The following NEK5 variants were observed in gnomAD, a reference collection of about 807,000 sequenced individuals.
The protein encoded by NEK5 is serine/threonine-protein kinase Nek5.
A neutral mutation model predicts 109.2 loss-of-function variants in NEK5; 88 were observed. That is an observed-to-expected ratio of 0.81 (90% confidence interval 0.68 to 0.96). The LOEUF (loss-of-function observed/expected upper bound fraction) is 0.96, where lower values mean the gene tolerates loss of function less well. Ranked by LOEUF, NEK5 falls within the 40% of genes least tolerant of loss-of-function variation. NEK5 has a pLI of 0.00. For missense variants in NEK5, 834 were observed against 920.7 expected (o/e 0.91, Z 1.22); for synonymous variants, 283 against 299.9 (o/e 0.94, Z 0.58).
intron 19 of NEK5, among the ~76,000 whole-genome samples, chr13:52,073,971 C>A (rs1180158396): frequency 1.3e-5 from 2 of 152,062 alleles, no homozygotes; most frequent in Admixed American, 6.6e-5. Context: ...AGAAAGAAAT[C>A]ATACATGACA....
intron 3 of NEK5, among the ~76,000 whole-genome samples, chr13:52,124,413 T>TTA (rs1271965094): frequency 6.6e-6 from 1 of 151,850 alleles, no homozygotes; most frequent in African/African-American, 2.4e-5. Context: ...TTTCCAAAGA[T>TTA]TATATTATTT....
chr13:52,110,681 C>T (rs9535865), intron 5 of NEK5, 104 bp from the exon 6 acceptor site: 125,677 of 659,204 alleles, frequency 0.19, 14,583 homozygotes, highest in Non-Finnish European at 0.26. Context: ...CACACACACA[C>T]ACATACACAC....
chr13:52,099,751 C>A lies in NEK5; in HGVS notation c.1018G>T (p.Ala340Ser). 1 of 1,613,432 alleles carries A rather than the reference C, an allele frequency of 6.2e-7. No individual in the cohort carries two copies. Residue 340 changes from alanine to serine, a missense_variant, in exon 12 of 24, where the codon GCC becomes TCC. Around this residue, in one of 2 missense-constraint regions of NEK5, gnomAD observed 777 missense variants for 824.7 expected, o/e 0.94. Transcript: ENST00000684899. ...EWRPPAGAQK[A>S]RSIKMIERPK... is the part of the protein sequence containing the mutation. ...GGTTTAGAATGACTTACAGATCTGG[C>A]CTTCTGGGCTCCAGCTGGTGGTCTC...
In NEK5 at chr13:52,102,031, G is replaced by A. The variant is rs745973039; in HGVS notation, c.811-17C>T. On this transcript the variant is annotated splice_polypyrimidine_tract_variant and intron_variant, in intron 10 of 23. Transcript: ENST00000684899. Reference sequence around the variant, plus strand: ...CTGAATGACCTAAAACCGAACACACGTGTCAAGGACCTGCAACCCAAAATC... The same window carrying A: ...CTGAATGACCTAAAACCGAACACACATGTCAAGGACCTGCAACCCAAAATC... 23 of 1,612,794 alleles carry A rather than the reference G, an allele frequency of 1.4e-5. No individual in the cohort carries two copies. The highest frequency in any genetic ancestry group is 1.0e-4 in the Admixed American group (6 of 59,998).
chr13:52,087,467 T>C lies in NEK5; in HGVS notation c.1276-13A>G. ...ATGGACGAAGACCCTATTTATTGAA[T>C]GAAATAATTTATAATGCATACTTTG... On this transcript the variant is annotated splice_polypyrimidine_tract_variant and intron_variant, in intron 14 of 23. Coordinates refer to ENST00000684899, the MANE Select transcript of NEK5 (RefSeq NM_001365552.1). 1 of 1,345,098 alleles carries C rather than the reference T, an allele frequency of 7.4e-7. No individual in the cohort carries two copies. The highest frequency in any genetic ancestry group is 1.1e-6 in the Non-Finnish European group (1 of 947,410). The allele number at this position is 1,345,098 out of a possible 1,614,324, so 83.3% of individuals were successfully genotyped here. A position where few individuals can be genotyped will look rare whatever the true frequency, so the allele number is the denominator to read the frequency against.
Position 52,061,869 on chromosome 13 carries a change from A to G in NEK5, c.2060T>C (p.Leu687Ser). ...GCTACTCGTTAGATGTGCTGCTGCC[A>G]AAACACTCATTAAAGTTCCTGGAGC... Reference protein sequence around the residue: ...HEAPGTLMSVLAAAHLTSSSF... With the variant: ...HEAPGTLMSVSAAAHLTSSSF... Residue 687 changes from leucine to serine, a missense_variant, in exon 22 of 24, where the codon TTG becomes TCG. By Grantham distance (145) the Leu-to-Ser change is moderately radical. This residue lies in a region of NEK5 where 777 missense variants were observed against 824.7 expected (regional missense o/e 0.94). Transcript: ENST00000684899. 2.0e-6 allele frequency: 2 copies of G among 985,778 alleles called. No homozygotes were observed. The highest frequency in any genetic ancestry group is 2.4e-6 in the Non-Finnish European group (2 of 829,818). 61.1% of individuals were successfully genotyped at this position (985,778 alleles called of 1,614,324 possible).
intron 23 of NEK5, among the ~76,000 whole-genome samples, chr13:52,045,332 G>T (rs185185388): frequency 0.015 from 2,265 of 149,724 alleles, 53 homozygotes; most frequent in African/African-American, 0.052. Context: ...GGGTTTCACC[G>T]TGTTAGCCAG....
intron 22 of NEK5, among the ~76,000 whole-genome samples, chr13:52,057,544 C>T (rs537006988): frequency 2.0e-5 from 3 of 152,012 alleles, no homozygotes; most frequent in Non-Finnish European, 4.4e-5. Flanking sequence ...ATGCAAAAAT[C>T]CTCAATAAAA....
chr13:52,125,685 C>A (rs1956052642), intron 3 of NEK5, among the ~76,000 whole-genome samples: 1 of 152,122 alleles, frequency 6.6e-6, no homozygotes, highest in Admixed American at 6.6e-5. Flanking sequence ...TTGGTAAACA[C>A]TGAAGTGGGG....
chr13:52,099,393 C>T (rs115611050), intron 12 of NEK5, among the ~76,000 whole-genome samples: 266 of 151,916 alleles, frequency 1.8e-3, no homozygotes, highest in African/African-American at 5.9e-3. Context: ...TAGCCGGGGC[C>T]GGGCGCCATG....
chr13:52,053,652 C>G lies in NEK5; in HGVS notation c.2111-3431G>C, dbSNP rs755201363. Among the ~76,000 whole-genome samples, 5 of 152,110 alleles carry G rather than the reference C, an allele frequency of 3.3e-5. No homozygotes were observed. In the East Asian group the frequency reaches 7.7e-4, roughly 23 times the overall value. ...TTCAAGGCTGCAGCTAATTTACAACCCAGACAAGCCCGAGATGGTACCAGC... is the reference window on the plus strand; with the variant it reads ...TTCAAGGCTGCAGCTAATTTACAACGCAGACAAGCCCGAGATGGTACCAGC... On this transcript the variant is annotated intron_variant, in intron 22 of 23. Transcript: ENST00000684899.
chr13:52,077,025 AG>A lies in NEK5; in HGVS notation c.1573-883del, dbSNP rs575080683. On this transcript the variant is annotated intron_variant, in intron 17 of 23. Transcript: ENST00000684899. ...ATAACAGGACAGAAAATGAGTAGGGAGTGAGAGTAATACAGGCAAAGCTTAT... is the reference window on the plus strand; with the variant it reads ...ATAACAGGACAGAAAATGAGTAGGGATGAGAGTAATACAGGCAAAGCTTAT... 9.8e-5 allele frequency among the ~76,000 whole-genome samples: 15 copies of A among 152,366 alleles called. No homozygotes were observed. In the East Asian group the frequency reaches 2.9e-3, roughly 29 times the overall value.
intron 17 of NEK5, among the ~76,000 whole-genome samples, chr13:52,080,306 G>A (rs1206323907): frequency 3.3e-5 from 5 of 149,348 alleles, no homozygotes; most frequent in African/African-American, 9.8e-5. Flanking sequence ...CGCCTCGTCC[G>A]GGAGGTGAGG....
chr13:52,112,494 C>A, intron 4 of NEK5, 129 bp from the exon 5 acceptor site: 2 of 574,592 alleles, frequency 3.5e-6, no homozygotes, highest in South Asian at 2.8e-5. Flanking sequence ...CTCTGTGACT[C>A]TGGGCAAGTC....
Position 52,060,424 on chromosome 13 carries a change from G to A in NEK5, c.2110+1395C>T, listed in dbSNP as rs541452919. On this transcript the variant is annotated intron_variant, in intron 22 of 23. Coordinates refer to ENST00000684899, the MANE Select transcript of NEK5 (RefSeq NM_001365552.1). ...GGCTGGAGTGCAATGGCGCCATCTC[G>A]GCTCACTGCAACCTCCGCCACCCGG... is the stretch of plus-strand genomic sequence containing the variant. Among the ~76,000 whole-genome samples, 105 of 151,682 alleles carry A rather than the reference G, an allele frequency of 6.9e-4. 1 individual carries two copies. The Middle Eastern group carries it at 0.021, about 30-fold the overall frequency.
chr13:52,110,422 G>A lies in NEK5; in HGVS notation c.397-12C>T. ...CTAAGAAAAATGTTCTATAAATGGA[G>A]AAAATGTCATGTTGTTTGAGGTACT... On this transcript the variant is annotated splice_polypyrimidine_tract_variant and intron_variant, in intron 6 of 23. Transcript: ENST00000684899. The A allele has an allele frequency of 6.2e-7, 1 of 1,611,740 alleles. No individual in the cohort carries two copies. The highest frequency in any genetic ancestry group is 8.5e-7 in the Non-Finnish European group (1 of 1,177,926).
At chr13:52,043,763 G>T (rs1224203505) in intron 23 of NEK5, among the ~76,000 whole-genome samples, 1 of 152,118 alleles carries the variant, frequency 6.6e-6, no homozygotes, top group East Asian at 1.9e-4. Context: ...TAGTAGATGG[G>T]TTAAAAATGT....
intron 9 of NEK5, among the ~76,000 whole-genome samples, chr13:52,102,533 G>T (rs1032447700): frequency 1.1e-4 from 16 of 152,066 alleles, no homozygotes; most frequent in African/African-American, 3.6e-4. Context: ...CCAAATCATG[G>T]TTTTTAAACA....
chr13:52,052,811 C>A (rs116243821), intron 22 of NEK5, among the ~76,000 whole-genome samples: 3,236 of 152,262 alleles, frequency 0.021, 84 homozygotes, highest in Admixed American at 0.084. Context: ...TTGTTCCAGA[C>A]ACCTTTCCTG....
Sources: allele counts gnomAD v4.1 joint callset (sites outside exome capture counted in the v4.1 genomes callset), GRCh38; gene constraint gnomAD v4.1.1; regional missense constraint gnomAD v4.1.1; transcripts MANE v1.5; gene names NCBI Gene and HGNC (gene_info 2026-07-23, HGNC 2026-07-21).